Variants in HERPUD2 observed in about 807,000 individuals in gnomAD.
HERPUD2 encodes the protein HERPUD family member 2.
In HERPUD2, 13 loss-of-function variants were observed where a neutral mutation model predicts 49.9. The ratio of observed to expected loss-of-function variants is 0.26; its 90% CI spans 0.17 to 0.41. The LOEUF (loss-of-function observed/expected upper bound fraction) is 0.41, where lower values mean the gene tolerates loss of function less well. Among genes scored for constraint, HERPUD2 ranks in the 10% least tolerant of loss-of-function variants. The pLI is 1.00. For missense variants in HERPUD2, 449 were observed against 492.2 expected (o/e 0.91, Z 0.83); for synonymous variants, 172 against 171.4 (o/e 1.00, Z -0.03).
At chr7:35,645,015 G>A (rs140212864) in intron 5 of HERPUD2, among the ~76,000 whole-genome samples, 2 of 151,976 alleles carry the variant, frequency 1.3e-5, no homozygotes, top group Admixed American at 1.3e-4. Flanking sequence ...AAAATTATAA[G>A]GTCTAGGTTT....
At chr7:35,671,401 G>C (rs899621301) in intron 3 of HERPUD2, among the ~76,000 whole-genome samples, 1 of 152,012 alleles carries the variant, frequency 6.6e-6, no homozygotes, top group African/African-American at 2.4e-5. Flanking sequence ...AAAGGCTTCA[G>C]AGACAGCATG....
At chr7:35,674,611 A>G (rs1399893227) in intron 2 of HERPUD2, among the ~76,000 whole-genome samples, 1 of 151,796 alleles carries the variant, frequency 6.6e-6, no homozygotes, top group Admixed American at 6.6e-5. Flanking sequence ...GGACCCTACA[A>G]TTTAACAGGG....
chr7:35,676,319 G>C (rs1249704240), intron 2 of HERPUD2, among the ~76,000 whole-genome samples: 1 of 152,224 alleles, frequency 6.6e-6, no homozygotes, highest in Non-Finnish European at 1.5e-5. Flanking sequence ...AATGTAGTTA[G>C]ATCTAGAGGG....
At chr7:35,661,406 T>C (rs1264810759) in intron 5 of HERPUD2, among the ~76,000 whole-genome samples, 2 of 152,244 alleles carry the variant, frequency 1.3e-5, no homozygotes, top group African/African-American at 4.8e-5. Context: ...TCCAATTCTG[T>C]GAAGAAAGTC....
intron 5 of HERPUD2, among the ~76,000 whole-genome samples, chr7:35,650,666 G>A (rs1785145860): frequency 6.6e-6 from 1 of 152,150 alleles, no homozygotes; most frequent in Admixed American, 6.5e-5. Flanking sequence ...CCACACCTGT[G>A]AACGGTGCTA....
chr7:35,677,434 A>T (rs1365358211), intron 2 of HERPUD2, among the ~76,000 whole-genome samples: 1 of 152,116 alleles, frequency 6.6e-6, no homozygotes, highest in East Asian at 1.9e-4. Flanking sequence ...TATTCTATTT[A>T]TCTCTATATT....
rs368898237 is a variant in HERPUD2 at position 35,673,234 on chromosome 7, G to A, written c.192C>T (p.Pro64=). 13 of 1,611,842 alleles carry A rather than the reference G, an allele frequency of 8.1e-6. No individual in the cohort carries two copies. Among genetic ancestry groups the A allele is most frequent in the Admixed American group, 6.7e-5 (4 of 59,498 alleles). The part of the protein sequence containing the change: ...QRLVYSGRLL[P]DHLQLKDILR... ...GAATGTCTTTCAGCTGCAGATGATC[G>A]GGAAGCAGTCTGCCCGAATACACCA... is the stretch of plus-strand genomic sequence containing the variant. Residue 64 remains proline (P), a synonymous_variant, in exon 3 of 9, where the codon CCC becomes CCT. Coordinates refer to ENST00000311350, the MANE Select transcript of HERPUD2 (RefSeq NM_022373.5).
At chr7:35,657,603 CAA>C (rs34292182) in intron 5 of HERPUD2, among the ~76,000 whole-genome samples, 1,340 of 57,072 alleles carry the variant, frequency 0.023, 15 homozygotes, top group African/African-American at 0.082. Flanking sequence ...GACCTTCTCT[CAA>C]AAAAAAAAAA....
intron 5 of HERPUD2, among the ~76,000 whole-genome samples, chr7:35,639,332 C>T (rs539745558): frequency 6.6e-6 from 1 of 152,210 alleles, no homozygotes; most frequent in African/African-American, 2.4e-5. Context: ...CTGCGCCTGG[C>T]CAAATTCTAT....
chr7:35,637,597 C>A (rs1784892043), intron 6 of HERPUD2, among the ~76,000 whole-genome samples: 1 of 152,130 alleles, frequency 6.6e-6, no homozygotes, highest in African/African-American at 2.4e-5. Context: ...AGATGAAGAA[C>A]CAGGATTCAT....
chr7:35,692,691 A>C (rs1786218788), intron 2 of HERPUD2, among the ~76,000 whole-genome samples: 1 of 152,202 alleles, frequency 6.6e-6, no homozygotes, highest in Non-Finnish European at 1.5e-5. Flanking sequence ...GTACTGATAA[A>C]CACAGCTAAT....
At chr7:35,657,467 T>C (rs1224321789) in intron 5 of HERPUD2, among the ~76,000 whole-genome samples, 1 of 151,904 alleles carries the variant, frequency 6.6e-6, no homozygotes, top group Non-Finnish European at 1.5e-5. Flanking sequence ...CTCAAAAAAC[T>C]AAACACAGTT....
At chr7:35,693,591 G>A (rs927295170) in intron 2 of HERPUD2, among the ~76,000 whole-genome samples, 3 of 151,224 alleles carry the variant, frequency 2.0e-5, no homozygotes, top group African/African-American at 4.9e-5. Context: ...TCTCTCACTC[G>A]CATATTAGGT....
chr7:35,677,756 T>C (rs916211275), intron 2 of HERPUD2, among the ~76,000 whole-genome samples: 2 of 152,156 alleles, frequency 1.3e-5, no homozygotes, highest in African/African-American at 4.8e-5. Context: ...AGGAAAAAAC[T>C]GATGATGCAA....
At chr7:35,658,279 C>G (rs1385328223) in intron 5 of HERPUD2, among the ~76,000 whole-genome samples, 1 of 152,080 alleles carries the variant, frequency 6.6e-6, no homozygotes, top group Admixed American at 6.6e-5. Flanking sequence ...TAAGTAAGTT[C>G]CTCTCATGGA....
intron 8 of HERPUD2, 118 bp from the exon 9 acceptor site, chr7:35,633,969 T>C (rs1475231873): frequency 9.5e-7 from 1 of 1,051,428 alleles, no homozygotes; most frequent in Admixed American, 2.6e-5. Flanking sequence ...TATGTGGTCA[T>C]TAGAAATCTT....
At chr7:35,664,289 G>A (rs1296782456) in intron 5 of HERPUD2, among the ~76,000 whole-genome samples, 2 of 152,184 alleles carry the variant, frequency 1.3e-5, no homozygotes, top group African/African-American at 4.8e-5. Flanking sequence ...CCCTTTGTGG[G>A]TAATGAGACC....
intron 2 of HERPUD2, among the ~76,000 whole-genome samples, chr7:35,692,186 TAA>T (rs1786206968): frequency 1.3e-5 from 2 of 152,230 alleles, no homozygotes; most frequent in Non-Finnish European, 2.9e-5. Flanking sequence ...GACAGCTAAC[TAA>T]TGCACAGCGG....
At chr7:35,688,080 A>G (rs1354586232) in intron 2 of HERPUD2, among the ~76,000 whole-genome samples, 1 of 152,220 alleles carries the variant, frequency 6.6e-6, no homozygotes, top group East Asian at 1.9e-4. Context: ...TAGTCCTTTA[A>G]AAGTAGTAAC....
Sources: allele counts gnomAD v4.1 joint callset (sites outside exome capture counted in the v4.1 genomes callset), GRCh38; gene constraint gnomAD v4.1.1; transcripts MANE v1.5; gene names NCBI Gene and HGNC (gene_info 2026-07-23, HGNC 2026-07-21).